Variants in KRTAP4-9 observed in about 807,000 individuals in gnomAD.
KRTAP4-9 encodes keratin-associated protein 4-9.
In KRTAP4-9, 4 loss-of-function variants were observed where a neutral mutation model predicts 4.3. The observed-to-expected ratio is 0.94, with a 90% CI of 0.46 to 2.15. The LOEUF (loss-of-function observed/expected upper bound fraction) is 2.15, where lower values mean the gene tolerates loss of function less well. Among genes scored for constraint, KRTAP4-9 ranks in the 30% most tolerant of loss-of-function variants. The probability of loss-of-function intolerance (pLI) is 0.02; values close to 1 mark genes in which losing one functional copy is unlikely to be tolerated. For missense variants in KRTAP4-9, 297 were observed against 278.5 expected (o/e 1.07, Z -0.47); for synonymous variants, 111 against 99.2 (o/e 1.12, Z -0.70).
exon 1 of KRTAP4-9, chr17:41,106,039 A>C: frequency 6.4e-7 from 1 of 1,562,388 alleles, no homozygotes; most frequent in Non-Finnish European, 8.7e-7. Flanking sequence ...GCCCTGGCTT[A>C]TCTCCCCCTT....
At position 41,106,203 on chromosome 17, in the gene KRTAP4-9, C is replaced by G. The variant is rs569949056; in HGVS notation, c.*182C>G. 169 of 1,138,888 alleles carry G rather than the reference C, an allele frequency of 1.5e-4. 2 individuals carry two copies. In the East Asian group the frequency reaches 4.2e-3, roughly 28 times the overall value. The allele number at this position is 1,138,888 out of a possible 1,614,324, so 70.5% of individuals were successfully genotyped here. On this transcript the variant is annotated 3_prime_UTR_variant, in exon 1 of 1. Coordinates refer to ENST00000391415, the Ensembl canonical transcript of KRTAP4-9. ...TGAGAACATTCTGATTCATTTTAAA[C>G]TCCCTCCCTTGCTTTCTTTTTCTTC...
rs536861784 is a variant in KRTAP4-9, at chr17:41,105,901, C to T, written c.513C>T (p.Arg171=). ...CTTGCTGTGAATCCAGCTGCTGCCG[C>T]CCCTGCTGCTGCGTGCGTCCAGTCT... The change falls in exon 1 of 1, where the codon CGC becomes CGT. Residue 171 remains arginine (R), a synonymous_variant. Transcript: ENST00000391415. 1.3e-4 allele frequency: 217 copies of T among 1,608,840 alleles called. 2 individuals are homozygous for T. In the South Asian group the frequency reaches 2.1e-3, roughly 16 times the overall value.
chr17:41,106,390 C>G (rs974600773), exon 1 of KRTAP4-9: 3 of 329,432 alleles, frequency 9.1e-6, no homozygotes, highest in Non-Finnish European at 1.7e-5. Context: ...GTTGCACCCT[C>G]AGATCCAGCC....
At chr17:41,105,745 C>T (rs779418515) in exon 1 of KRTAP4-9, 2 of 1,601,952 alleles carry the variant, frequency 1.2e-6, no homozygotes, top group East Asian at 2.2e-5. Flanking sequence ...ACCCTAGGTG[C>T]TGCATCTCCA....
exon 1 of KRTAP4-9, chr17:41,105,981 G>A: frequency 6.3e-7 from 1 of 1,590,520 alleles, no homozygotes. Context: ...GTCATCTCCA[G>A]CTGCCCCCGC....
chr17:41,105,724 G>A (rs1467108627), exon 1 of KRTAP4-9: 14 of 1,559,404 alleles, frequency 9.0e-6, no homozygotes, highest in South Asian at 1.2e-5. Context: ...GCTGTGAGAC[G>A]ACCTGCTGCC....
Position 41,105,537 on chromosome 17 carries a change from G to A in KRTAP4-9, c.149G>A (p.Cys50Tyr), listed in dbSNP as rs760289423. 5.8e-6 allele frequency: 9 copies of A among 1,563,154 alleles called. No homozygotes were observed. In the African/African-American group the frequency reaches 6.0e-5, roughly 10 times the overall value. ...CCCAGCTGTTGTGTATCCAGCTGCT[G>A]CAGGCCCCAGTGCTGCCAGTCTGTG... Residue 50 changes from cysteine to tyrosine, a missense_variant, in exon 1 of 1, where the codon TGC becomes TAC. By Grantham distance (194) the Cys-to-Tyr change is radical. Coordinates refer to ENST00000391415, the Ensembl canonical transcript of KRTAP4-9.
exon 1 of KRTAP4-9, chr17:41,106,238 C>A: frequency 3.6e-6 from 3 of 834,654 alleles, no homozygotes; most frequent in African/African-American, 1.7e-5. Flanking sequence ...CCGGTGGTGG[C>A]ACCAAATGTG....
At chr17:41,106,181 G>C in exon 1 of KRTAP4-9, 3 of 1,273,774 alleles carry the variant, frequency 2.4e-6, no homozygotes, top group Non-Finnish European at 3.2e-6. Flanking sequence ...GACTCTTTGA[G>C]AACATTCTGA....
At chr17:41,106,035 G>T (rs1299501258) in exon 1 of KRTAP4-9, 2 of 1,565,314 alleles carry the variant, frequency 1.3e-6, no homozygotes, top group East Asian at 4.7e-5. Context: ...CACTGCCCTG[G>T]CTTATCTCCC....
At chr17:41,105,732 G>A in exon 1 of KRTAP4-9, 1 of 1,571,006 alleles carries the variant, frequency 6.4e-7, no homozygotes. Flanking sequence ...ACGACCTGCT[G>A]CCACCCTAGG....
chr17:41,106,112 G>T, exon 1 of KRTAP4-9: 2 of 1,470,480 alleles, frequency 1.4e-6, no homozygotes, highest in South Asian at 2.9e-5. Flanking sequence ...AGGAAGTGGG[G>T]TTGATGTCAT....
At chr17:41,105,802 G>A in exon 1 of KRTAP4-9, 1 of 1,611,586 alleles carries the variant, frequency 6.2e-7, no homozygotes. Context: ...GCAAGCCCCA[G>A]TGCTGCCAGT....
exon 1 of KRTAP4-9, chr17:41,106,179 G>C (rs1333757333): frequency 1.6e-6 from 2 of 1,288,858 alleles, no homozygotes; most frequent in African/African-American, 3.0e-5. Context: ...CTGACTCTTT[G>C]AGAACATTCT....
At chr17:41,105,588 C>G in exon 1 of KRTAP4-9, 1 of 1,568,332 alleles carries the variant, frequency 6.4e-7, no homozygotes, top group Non-Finnish European at 8.5e-7. Flanking sequence ...TGTTCCCGCC[C>G]CAGCTGCTGT....
chr17:41,106,237 G>A, exon 1 of KRTAP4-9: 4 of 836,830 alleles, frequency 4.8e-6, no homozygotes, highest in Admixed American at 3.3e-5. Context: ...TCCGGTGGTG[G>A]CACCAAATGT....
chr17:41,106,023 C>T, exon 1 of KRTAP4-9: 2 of 1,575,640 alleles, frequency 1.3e-6, no homozygotes, highest in South Asian at 1.2e-5. Flanking sequence ...TGCTGCTGAG[C>T]CCACTGCCCT....
exon 1 of KRTAP4-9, chr17:41,106,125 A>C: frequency 6.9e-7 from 1 of 1,454,266 alleles, no homozygotes; most frequent in Non-Finnish European, 9.1e-7. Flanking sequence ...GATGTCATTC[A>C]ATAGAATGGA....
chr17:41,105,704 C>T (rs776877008), exon 1 of KRTAP4-9: 50 of 1,573,066 alleles, frequency 3.2e-5, no homozygotes, highest in Non-Finnish European at 3.7e-5. Context: ...CACTTGCTGT[C>T]GCCCCAGCTG....
Sources: allele counts gnomAD v4.1 joint callset, GRCh38; gene constraint gnomAD v4.1.1; transcripts MANE v1.5; gene names NCBI Gene and HGNC (gene_info 2026-07-23, HGNC 2026-07-21).